The following DACT2 variants were observed in gnomAD, a reference collection of about 807,000 sequenced individuals.
The protein encoded by DACT2 is dapper homolog 2.
In DACT2, 20 loss-of-function variants were observed where a neutral mutation model predicts 22.2. The ratio of observed to expected loss-of-function variants is 0.90; its 90% CI spans 0.63 to 1.31. The LOEUF (loss-of-function observed/expected upper bound fraction) is 1.31. DACT2 is among the 50% of genes most tolerant of loss of function. The probability of loss-of-function intolerance (pLI) is 0.00; values close to 1 mark genes in which losing one functional copy is unlikely to be tolerated. For missense variants in DACT2, 1,048 were observed against 1,061.4 expected, an observed-to-expected ratio of 0.99 and a Z score of 0.18; for synonymous variants, 463 against 479.8, an observed-to-expected ratio of 0.96 and a Z score of 0.46.
At chr6:168,311,981 A>G (rs1779432069) in intron 1 of DACT2, among the ~76,000 whole-genome samples, 1 of 152,182 alleles carries the variant, frequency 6.6e-6, no homozygotes, top group African/African-American at 2.4e-5. Context: ...TGGGGAGCAC[A>G]AACCTTTTGA....
chr6:168,293,948 G>T (rs1207694376), intron 5 of DACT2: 1 of 703,490 alleles, frequency 1.4e-6, no homozygotes, highest in East Asian at 2.7e-5. Context: ...TGTTCTGTAA[G>T]TGACGTCCCC....
At chr6:168,318,234 C>G (rs1056046203) in intron 1 of DACT2, among the ~76,000 whole-genome samples, 2 of 152,266 alleles carry the variant, frequency 1.3e-5, no homozygotes, top group Non-Finnish European at 2.9e-5. Flanking sequence ...AAAGTCTGTA[C>G]ACCAGCTACT....
chr6:168,306,876 G>A, downstream of DACT2: 1 of 987,982 alleles, frequency 1.0e-6, no homozygotes, highest in Non-Finnish European at 1.2e-6. Context: ...CCTACCATGT[G>A]CCACACAAGG....
At chr6:168,313,000 A>AG (rs535040783) in intron 1 of DACT2, among the ~76,000 whole-genome samples, 1 of 152,314 alleles carries the variant, frequency 6.6e-6, no homozygotes, top group South Asian at 2.1e-4. Context: ...GACCCAACTC[A>AG]GGGGCCTCCC....
At chr6:168,297,438 T>G (rs1407728530) in intron 3 of DACT2, among the ~76,000 whole-genome samples, 1 of 151,952 alleles carries the variant, frequency 6.6e-6, no homozygotes, top group African/African-American at 2.4e-5. Flanking sequence ...TGAGAAGGAC[T>G]CACAGATGTT....
chr6:168,303,551 G>C (rs1177690150), downstream of DACT2, among the ~76,000 whole-genome samples: 1 of 152,122 alleles, frequency 6.6e-6, no homozygotes, highest in African/African-American at 2.4e-5. Context: ...TCTACCGTGG[G>C]TAGAAGCAGC....
At chr6:168,313,077 C>T (rs1007120526) in intron 1 of DACT2, among the ~76,000 whole-genome samples, 2 of 152,144 alleles carry the variant, frequency 1.3e-5, no homozygotes, top group Admixed American at 6.6e-5. Context: ...GACGGAGTCT[C>T]GCTCTGTCCT....
At chr6:168,318,780 G>A (rs1476994107) in intron 1 of DACT2, among the ~76,000 whole-genome samples, 1 of 152,120 alleles carries the variant, frequency 6.6e-6, no homozygotes, top group African/African-American at 2.4e-5. Context: ...TGGATCAGAG[G>A]ACACGCCTCT....
rs1184864146 is a variant in DACT2, at chr6:168,308,119, G to T, written c.1638C>A (p.Leu546=). ...PAHWPTGRGG[L]QRRPALAWEA... Reference sequence around the variant, plus strand: ...CCCAGGCCAGGGCTGGCCTCCGCTGGAGCCCGCCCCTCCCTGTGGGCCAGT... The same window carrying T: ...CCCAGGCCAGGGCTGGCCTCCGCTGTAGCCCGCCCCTCCCTGTGGGCCAGT... Residue 546 remains leucine (L), a synonymous_variant, in exon 4 of 4, where the codon CTC becomes CTA. Coordinates refer to ENST00000366795, the MANE Select transcript of DACT2 (RefSeq NM_214462.5). The T allele has an allele frequency of 5.2e-6, 8 of 1,547,584 alleles. No homozygotes were observed. Among genetic ancestry groups the T allele is most frequent in the Admixed American group, 3.9e-5 (2 of 50,670 alleles).
rs1562495820 is a variant in DACT2 at position 168,308,520 on chromosome 6, C to A, written c.1237G>T (p.Gly413Cys). 6.4e-7 allele frequency: 1 copy of A among 1,551,380 alleles called. No homozygotes were observed. The highest frequency in any genetic ancestry group is 2.0e-5 in the Admixed American group (1 of 51,000). ...GGAAGGCTGCCAGACTGCTGGGGAC[C>A]CTCAAGGGGCATGTATCCCTGCTGC... is the stretch of plus-strand genomic sequence containing the variant. ...PQQQGYMPLE[G>C]PQQSGSLPEE... The change falls in exon 4 of 4, where the codon GGT becomes TGT. Residue 413 changes from glycine to cysteine, a missense_variant. Transcript: ENST00000366795.
Position 168,319,647 on chromosome 6 carries a change from T to G in DACT2, c.-14A>C. 1 of 1,233,612 alleles carries G rather than the reference T, an allele frequency of 8.1e-7. No individual in the cohort carries two copies. Among genetic ancestry groups the G allele is most frequent in the Non-Finnish European group, 1.0e-6 (1 of 986,178 alleles). 76.4% of individuals were successfully genotyped at this position (1,233,612 alleles called of 1,614,324 possible). ...CGGCGTCCACATCTCCCGGGCAGGG[T>G]CCCGGCCTCCCGAACCCCACGAGCG... is the stretch of plus-strand genomic sequence containing the variant. On this transcript the variant is annotated 5_prime_UTR_variant, in exon 1 of 4. Transcript: ENST00000366795.
At chr6:168,297,803 G>A (rs537891101) in intron 3 of DACT2, among the ~76,000 whole-genome samples, 48 of 152,378 alleles carry the variant, frequency 3.2e-4, no homozygotes, top group African/African-American at 1.1e-3. Flanking sequence ...TCCATCATTA[G>A]AGGAATGGAC....
chr6:168,303,291 G>A (rs1347909685), downstream of DACT2, among the ~76,000 whole-genome samples: 1 of 152,158 alleles, frequency 6.6e-6, no homozygotes, highest in Non-Finnish European at 1.5e-5. Context: ...CAAAACCTCT[G>A]CCAAAATTTG....
At chr6:168,305,458 G>A (rs1779185143), downstream of DACT2, among the ~76,000 whole-genome samples, 1 of 152,226 alleles carries the variant, frequency 6.6e-6, no homozygotes, top group South Asian at 2.1e-4. Flanking sequence ...AGTCGGAGCT[G>A]CCTAGAGTTG....
exon 6 of DACT2, chr6:168,292,910 G>A (rs538751412): frequency 3.6e-4 from 55 of 152,266 alleles, no homozygotes; most frequent in African/African-American, 1.3e-3. Context: ...TTAGCTTTGG[G>A]ATGAAAACCA....
chr6:168,307,415 G>A lies in DACT2; in HGVS notation c.*17C>T, dbSNP rs1779236723. 1 of 1,551,198 alleles carries A rather than the reference G, an allele frequency of 6.4e-7. No homozygotes were observed. The highest frequency in any genetic ancestry group is 8.7e-7 in the Non-Finnish European group (1 of 1,146,820). ...CCCCTGTGTGCAGCAGGCTTCTCTT[G>A]ACGCAGTCACTGCACCTCACACCAT... is the stretch of plus-strand genomic sequence containing the variant. On this transcript the variant is annotated 3_prime_UTR_variant, in exon 4 of 4. Coordinates refer to ENST00000366795, the MANE Select transcript of DACT2 (RefSeq NM_214462.5). This position sits in a 1 kb window ranked among gnomAD's most constrained non-coding sequence, Gnocchi z 5.3.
downstream of DACT2, among the ~76,000 whole-genome samples, chr6:168,304,448 G>A (rs192530611): frequency 3.9e-5 from 6 of 152,230 alleles, no homozygotes; most frequent in Non-Finnish European, 5.9e-5. Flanking sequence ...TCTCAAAAAC[G>A]GGCTTCTTAT....
Position 168,307,491 on chromosome 6 carries a change from G to A in DACT2, c.2266C>T (p.Leu756=). The A allele has an allele frequency of 1.9e-6, 3 of 1,551,664 alleles. No homozygotes were observed. Among genetic ancestry groups the A allele is most frequent in the Non-Finnish European group, 1.7e-6 (2 of 1,147,002 alleles). The change falls in exon 4 of 4, where the codon CTG becomes TTG. Residue 756 remains leucine, a synonymous_variant. Transcript: ENST00000366795. This position sits in a 1 kb window ranked among gnomAD's most constrained non-coding sequence, Gnocchi z 5.3. ...KLCRIKASKA[L]KKKIRRFQPT... ...TGGAACCTGCGGATCTTCTTCTTCA[G>A]GGCCTTGGAGGCCTTAATACGGCAC...
At chr6:168,305,092 G>A (rs530890566), downstream of DACT2, among the ~76,000 whole-genome samples, 6 of 152,326 alleles carry the variant, frequency 3.9e-5, no homozygotes, top group South Asian at 1.0e-3. Flanking sequence ...AAGCCAGAGA[G>A]CACATTATTG....
Sources: gnomAD v4.1 joint callset for allele counts (sites outside exome capture counted in the v4.1 genomes callset) on GRCh38, gnomAD v4.1.1 for gene constraint, Gnocchi (gnomAD v3.1) non-coding constraint, MANE v1.5 for transcripts, NCBI Gene and HGNC (gene_info 2026-07-23, HGNC 2026-07-21) for gene names.